WASF2: variants seen among roughly 807,000 people sequenced by gnomAD.
WASF2 encodes the protein actin-binding protein WASF2.
WASF2 carries 14 observed loss-of-function variants against 45.0 expected under a neutral mutation model. The observed-to-expected ratio is 0.31, with a 90% CI of 0.21 to 0.49. WASF2 has a LOEUF of 0.49. Among genes scored for constraint, WASF2 ranks in the 20% least tolerant of loss-of-function variants. WASF2 has a pLI of 0.99. For missense variants in WASF2, 439 were observed against 636.1 expected, an observed-to-expected ratio of 0.69 and a Z score of 3.33; for synonymous variants, 200 against 236.3, an observed-to-expected ratio of 0.85 and a Z score of 1.41.
chr1:27,489,753 G>C (rs1431756508), intron 1 of WASF2, among the ~76,000 whole-genome samples: 3 of 152,210 alleles, frequency 2.0e-5, no homozygotes, highest in Non-Finnish European at 4.4e-5. Flanking sequence ...TAGTCCCTCA[G>C]ACTTGTGGAC....
At chr1:27,418,525 T>C (rs1571123095) in intron 3 of WASF2, 103 bp from the exon 4 acceptor site, 1 of 1,491,014 alleles carries the variant, frequency 6.7e-7, no homozygotes, top group Non-Finnish European at 9.1e-7. Context: ...TTCTTGGCTG[T>C]GGCTGTCCGC....
intron 1 of WASF2, among the ~76,000 whole-genome samples, chr1:27,452,937 G>A (rs1241330640): frequency 6.6e-6 from 1 of 151,850 alleles, no homozygotes; most frequent in East Asian, 1.9e-4. Flanking sequence ...CAGGCACGGT[G>A]GCTCACGCCT....
chr1:27,408,901 AG>A (rs1233368475), intron 8 of WASF2, among the ~76,000 whole-genome samples: 1 of 152,078 alleles, frequency 6.6e-6, no homozygotes, highest in Non-Finnish European at 1.5e-5. Flanking sequence ...GAAAGAGGGC[AG>A]GGGGCAAGGA....
At chr1:27,462,824 T>G (rs183771230) in intron 1 of WASF2, among the ~76,000 whole-genome samples, 35 of 152,272 alleles carry the variant, frequency 2.3e-4, no homozygotes, top group African/African-American at 7.9e-4. Context: ...TTAGCTGCTT[T>G]TATTTTTATT....
chr1:27,483,780 C>T (rs1286002515), intron 1 of WASF2, among the ~76,000 whole-genome samples: 2 of 151,678 alleles, frequency 1.3e-5, no homozygotes, highest in Non-Finnish European at 2.9e-5. Context: ...ATAGTTAGAC[C>T]TCGTCTCTAA....
chr1:27,451,938 G>A (rs553799017), intron 1 of WASF2, among the ~76,000 whole-genome samples: 1 of 152,234 alleles, frequency 6.6e-6, no homozygotes, highest in African/African-American at 2.4e-5. Flanking sequence ...AACAGTAATA[G>A]AACAATTACA....
intron 2 of WASF2, among the ~76,000 whole-genome samples, chr1:27,427,288 C>A (rs926221034): frequency 7.2e-5 from 11 of 152,220 alleles, no homozygotes; most frequent in Admixed American, 6.5e-4. Context: ...CCATCAACAC[C>A]ACCCTGGAAA....
At chr1:27,418,848 CTG>C (rs2016861971) in intron 3 of WASF2, 104 bp downstream of exon 3, 5 of 1,377,776 alleles carry the variant, frequency 3.6e-6, no homozygotes, top group Non-Finnish European at 4.8e-6. Context: ...CTATAGGTCT[CTG>C]TGATTTCTCT....
intron 2 of WASF2, 83 bp from the exon 3 acceptor site, chr1:27,419,171 C>T: frequency 2.0e-6 from 3 of 1,513,074 alleles, no homozygotes; most frequent in Non-Finnish European, 2.7e-6. Context: ...AGATCGTGTT[C>T]CCTAACCCCC....
intron 1 of WASF2, among the ~76,000 whole-genome samples, chr1:27,482,689 AAAT>A (rs2017867472): frequency 6.6e-6 from 1 of 152,208 alleles, no homozygotes; most frequent in Admixed American, 6.5e-5. Flanking sequence ...AACAGAATAA[AAAT>A]AATGGGGCTA....
intron 1 of WASF2, among the ~76,000 whole-genome samples, chr1:27,441,976 T>C (rs2017243427): frequency 6.9e-6 from 1 of 145,874 alleles, no homozygotes; most frequent in Admixed American, 6.9e-5. Context: ...TGCAGTGGTG[T>C]GCACTTGTAG....
intron 1 of WASF2, among the ~76,000 whole-genome samples, chr1:27,480,248 G>C (rs912975049): frequency 4.6e-5 from 7 of 152,122 alleles, no homozygotes; most frequent in African/African-American, 1.7e-4. Flanking sequence ...CGGGTGTGGA[G>C]GCTCATGTCT....
At chr1:27,444,405 G>T (rs1158988001) in intron 1 of WASF2, among the ~76,000 whole-genome samples, 1 of 152,144 alleles carries the variant, frequency 6.6e-6, no homozygotes, top group Non-Finnish European at 1.5e-5. Flanking sequence ...AATAAGATGT[G>T]ATAACATATG....
intron 1 of WASF2, among the ~76,000 whole-genome samples, chr1:27,489,039 A>T (rs2017985867): frequency 6.6e-6 from 1 of 151,958 alleles, no homozygotes; most frequent in East Asian, 1.9e-4. Context: ...CTAAATTCCA[A>T]TCAGAGCCCC....
intron 1 of WASF2, among the ~76,000 whole-genome samples, chr1:27,432,360 AGTTAT>A (rs1474361697): frequency 3.3e-5 from 5 of 152,122 alleles, no homozygotes; most frequent in African/African-American, 1.2e-4. Context: ...AAAAAAAGGC[AGTTAT>A]AGGCCGGGCG....
In WASF2 at chr1:27,471,343, T is replaced by TC. The variant is rs1220839693; in HGVS notation, c.-44+18642dup. On this transcript the variant is annotated intron_variant, in intron 1 of 8. Coordinates refer to ENST00000618852, the MANE Select transcript of WASF2 (RefSeq NM_006990.5). ...CTGGGCGACAGAGCGAGACTCTGTC[T>TC]CAAAAAAAAAAAAAAAAAAAAAGAG... 8.6e-5 allele frequency among the ~76,000 whole-genome samples: 6 copies of TC among 69,740 alleles called. No individual in the cohort carries two copies. In the East Asian group the frequency reaches 2.7e-3, roughly 31 times the overall value. 45.8% of individuals were successfully genotyped at this position (69,740 alleles called of 152,430 possible). A position where few individuals can be genotyped will look rare whatever the true frequency, so the allele number is the denominator to read the frequency against.
intron 1 of WASF2, among the ~76,000 whole-genome samples, chr1:27,463,474 A>T (rs1330714209): frequency 6.6e-6 from 1 of 151,540 alleles, no homozygotes; most frequent in Non-Finnish European, 1.5e-5. Flanking sequence ...AAATACAAAA[A>T]ATCAGCCGAG....
intron 7 of WASF2, among the ~76,000 whole-genome samples, chr1:27,412,286 A>C (rs1309679602): frequency 6.6e-6 from 1 of 152,180 alleles, no homozygotes; most frequent in African/African-American, 2.4e-5. Flanking sequence ...GGCTCACTGC[A>C]GCCTTAACCT....
rs960937836 is a variant in WASF2 at position 27,407,842 on chromosome 1, T to C, written c.*347A>G. On this transcript the variant is annotated 3_prime_UTR_variant, in exon 9 of 9. Coordinates refer to ENST00000618852, the MANE Select transcript of WASF2 (RefSeq NM_006990.5). ...GGGCACAGGTTTTAGAAGGCTGTAG[T>C]TGAATATGGCTCCTAAGGGAAGCCC... 1 of 207,760 alleles carries C rather than the reference T, an allele frequency of 4.8e-6. No homozygotes were observed. Among genetic ancestry groups the C allele is most frequent in the Non-Finnish European group, 9.7e-6 (1 of 103,544 alleles). The allele number at this position is 207,760 out of a possible 1,614,324, so 12.9% of individuals were successfully genotyped here. A position where few individuals can be genotyped will look rare whatever the true frequency, so the allele number is the denominator to read the frequency against.
Sources: allele counts gnomAD v4.1 joint callset (sites outside exome capture counted in the v4.1 genomes callset), GRCh38; gene constraint gnomAD v4.1.1; transcripts MANE v1.5; gene names NCBI Gene and HGNC (gene_info 2026-07-23, HGNC 2026-07-21).